Variants in CAMTA1 observed in about 807,000 individuals in gnomAD.
The protein encoded by CAMTA1 is calmodulin-binding transcription activator 1.
In CAMTA1, 27 loss-of-function variants were observed where a neutral mutation model predicts 170.9. The ratio of observed to expected loss-of-function variants is 0.16; its 90% confidence interval spans 0.12 to 0.22. CAMTA1 has a LOEUF of 0.22. CAMTA1 is among the 10% of genes least tolerant of loss of function. The pLI, the probability that CAMTA1 is intolerant of heterozygous loss-of-function variation, is 1.00. For missense variants in CAMTA1, 1,619 were observed against 2,217.2 expected, an observed-to-expected ratio of 0.73 and a Z score of 5.42; for synonymous variants, 833 against 891.5, an observed-to-expected ratio of 0.93 and a Z score of 1.17.
chr1:6,875,743 A>G (rs948661605), intron 3 of CAMTA1, among the ~76,000 whole-genome samples: 1 of 152,194 alleles, frequency 6.6e-6, no homozygotes, highest in African/African-American at 2.4e-5. Flanking sequence ...CTGCACATCC[A>G]GATTCCTCTG....
At chr1:7,479,336 C>T (rs1055283162) in intron 6 of CAMTA1, among the ~76,000 whole-genome samples, 7 of 152,308 alleles carry the variant, frequency 4.6e-5, no homozygotes, top group Admixed American at 2.0e-4. Context: ...GGCGTCACTG[C>T]GCCACAAGCC....
At chr1:6,885,537 T>C (rs1174518820) in intron 3 of CAMTA1, among the ~76,000 whole-genome samples, 1 of 152,238 alleles carries the variant, frequency 6.6e-6, no homozygotes. Flanking sequence ...AGCGTAGCCT[T>C]AACCAGGGCA....
rs186609922 is a variant in CAMTA1 at position 7,044,499 on chromosome 1, A to G, written c.235-46805A>G. Among the ~76,000 whole-genome samples, 13 of 152,274 alleles carry G rather than the reference A, an allele frequency of 8.5e-5. No individual in the cohort carries two copies. In the East Asian group the frequency reaches 2.3e-3, roughly 27 times the overall value. ...TCTGCATGTAACCGATGGCACAAAC[A>G]CCAGGCCTTCAGCAGGGCCATAAGC... On this transcript the variant is annotated intron_variant, in intron 3 of 22. Coordinates refer to ENST00000303635, the MANE Select transcript of CAMTA1 (RefSeq NM_015215.4). This position sits in a 1 kb window ranked among gnomAD's most constrained non-coding sequence, Gnocchi z 5.0.
intron 5 of CAMTA1, among the ~76,000 whole-genome samples, chr1:7,359,531 G>A (rs845196): frequency 0.63 from 95,578 of 152,014 alleles, 31,860 homozygotes; most frequent in Non-Finnish European, 0.75. Flanking sequence ...CCCATTCGAC[G>A]GCACCTTTTC....
intron 5 of CAMTA1, among the ~76,000 whole-genome samples, chr1:7,320,660 T>TG (rs1453965109): frequency 4.0e-5 from 6 of 149,364 alleles, no homozygotes; most frequent in African/African-American, 1.5e-4. Flanking sequence ...TTTTTTTTTT[T>TG]TTTTTTTTTT....
chr1:6,845,067 G>A (rs1402743636), intron 3 of CAMTA1, among the ~76,000 whole-genome samples: 1 of 152,206 alleles, frequency 6.6e-6, no homozygotes, highest in Non-Finnish European at 1.5e-5. Context: ...CACCTCTCCT[G>A]AAGCACCTGT....
chr1:7,039,887 TGGGG>T (rs1704161912), intron 3 of CAMTA1, among the ~76,000 whole-genome samples: 1 of 152,062 alleles, frequency 6.6e-6, no homozygotes, highest in Non-Finnish European at 1.5e-5. Context: ...GCCTTTTTTC[TGGGG>T]GCGTGTACCC....
intron 5 of CAMTA1, among the ~76,000 whole-genome samples, chr1:7,306,704 C>T (rs752927078): frequency 3.9e-4 from 59 of 151,842 alleles, no homozygotes; most frequent in Non-Finnish European, 4.7e-4. Context: ...TATAGTGTTA[C>T]ATCTATAGAT....
At chr1:7,460,739 T>C (rs1173714757) in intron 5 of CAMTA1, among the ~76,000 whole-genome samples, 1 of 152,140 alleles carries the variant, frequency 6.6e-6, no homozygotes, top group Admixed American at 6.5e-5. Flanking sequence ...CTTTATACCC[T>C]GGACACATTT....
intron 21 of CAMTA1, among the ~76,000 whole-genome samples, chr1:7,754,220 A>C (rs1409956535): frequency 2.0e-5 from 3 of 152,208 alleles, no homozygotes; most frequent in Non-Finnish European, 1.5e-5. Flanking sequence ...ATCTTCTTTC[A>C]TGACACTGTG....
intron 7 of CAMTA1, among the ~76,000 whole-genome samples, chr1:7,659,489 G>A (rs900277555): frequency 1.3e-5 from 2 of 152,114 alleles, no homozygotes; most frequent in African/African-American, 2.4e-5. Flanking sequence ...AACCGAGATC[G>A]TGCCACTGCA....
At chr1:7,163,219 C>T (rs572367706) in intron 4 of CAMTA1, among the ~76,000 whole-genome samples, 8 of 148,158 alleles carry the variant, frequency 5.4e-5, no homozygotes, top group East Asian at 2.0e-4. Context: ...GATGCTGGTC[C>T]GAGAAGAGGT....
intron 5 of CAMTA1, among the ~76,000 whole-genome samples, chr1:7,355,487 CCT>C (rs1437449707): frequency 1.3e-5 from 2 of 152,114 alleles, no homozygotes; most frequent in Non-Finnish European, 2.9e-5. Context: ...TCTGTCTTTC[CCT>C]CTCTTCCTTA....
chr1:7,391,327 C>CTGTG (rs1196845856), intron 5 of CAMTA1, among the ~76,000 whole-genome samples: 1 of 60,972 alleles, frequency 1.6e-5, no homozygotes, highest in Admixed American at 2.0e-4. Flanking sequence ...TCCCTTTACA[C>CTGTG]AGTGTGTGTG....
intron 6 of CAMTA1, among the ~76,000 whole-genome samples, chr1:7,480,089 G>T (rs1451710175): frequency 6.9e-6 from 1 of 145,640 alleles, no homozygotes; most frequent in East Asian, 2.0e-4. Flanking sequence ...GTGTCCGTGT[G>T]TGTGCCTGTG....
intron 2 of CAMTA1, among the ~76,000 whole-genome samples, chr1:6,823,213 C>T (rs563627003): frequency 1.4e-4 from 21 of 152,180 alleles, no homozygotes; most frequent in Non-Finnish European, 2.5e-4. Context: ...TAAAGGCTCA[C>T]GTGATCTGGT....
chr1:7,725,482 C>T (rs1033112396), intron 11 of CAMTA1, among the ~76,000 whole-genome samples: 4 of 152,226 alleles, frequency 2.6e-5, no homozygotes, highest in African/African-American at 9.6e-5. Flanking sequence ...CAGTTATTGT[C>T]AACAGAGCTA....
chr1:7,386,680 G>A (rs1166890150), intron 5 of CAMTA1, among the ~76,000 whole-genome samples: 1 of 152,182 alleles, frequency 6.6e-6, no homozygotes, highest in Non-Finnish European at 1.5e-5. Flanking sequence ...CCTGCTGCAA[G>A]TTACTTGATC....
At chr1:7,651,185 C>T (rs2095846645) in intron 7 of CAMTA1, among the ~76,000 whole-genome samples, 1 of 152,172 alleles carries the variant, frequency 6.6e-6, no homozygotes, top group African/African-American at 2.4e-5. Context: ...GTTAAATGGC[C>T]ACCCTCTTTC....
Sources: gnomAD v4.1 joint callset for allele counts (sites outside exome capture counted in the v4.1 genomes callset) on GRCh38, gnomAD v4.1.1 for gene constraint, Gnocchi (gnomAD v3.1) non-coding constraint, MANE v1.5 for transcripts, NCBI Gene and HGNC (gene_info 2026-07-23, HGNC 2026-07-21) for gene names.